The following TYW1B variants were observed in gnomAD, a reference collection of about 807,000 sequenced individuals.
The protein encoded by TYW1B is S-adenosyl-L-methionine-dependent tRNA 4-demethylwyosine synthase TYW1B.
Under a neutral mutation model 86.9 loss-of-function variants are expected in TYW1B, and 73 were observed. That is an observed-to-expected ratio of 0.84 (90% CI 0.70 to 1.02). The LOEUF (loss-of-function observed/expected upper bound fraction) is 1.02, where lower values mean the gene tolerates loss of function less well. TYW1B is among the 50% of genes least tolerant of loss of function. The pLI is 0.00. For synonymous variants in TYW1B, 248 were observed against 292.8 expected, an observed-to-expected ratio of 0.85 and a Z score of 1.56; for missense variants, 637 against 827.4, an observed-to-expected ratio of 0.77 and a Z score of 2.82.
chr7:72,695,623 C>G (rs1459097693), intron 10 of TYW1B, among the ~76,000 whole-genome samples: 1 of 152,070 alleles, frequency 6.6e-6, no homozygotes, highest in African/African-American at 2.4e-5. Flanking sequence ...CAGACAGGAT[C>G]TCATTCTCAT....
intron 6 of TYW1B, among the ~76,000 whole-genome samples, chr7:72,801,099 C>A (rs868977031): frequency 2.0e-5 from 3 of 151,834 alleles, no homozygotes; most frequent in African/African-American, 7.2e-5. Context: ...GAGGCCAAGG[C>A]GGGCAGATCA....
chr7:72,606,421 A>G (rs1284784767), intron 13 of TYW1B, among the ~76,000 whole-genome samples: 3 of 152,164 alleles, frequency 2.0e-5, no homozygotes, highest in Non-Finnish European at 4.4e-5. Context: ...GCGGTATCAG[A>G]GAAGGTGAGT....
rs189195213 is a variant in TYW1B at position 72,816,222 on chromosome 7, C to T, written c.136-741G>A. 4.2e-3 allele frequency among the ~76,000 whole-genome samples: 638 copies of T among 151,826 alleles called. 4 individuals carry two copies. The highest frequency in any genetic ancestry group is 0.015 in the African/African-American group (605 of 41,394). ...TAAAACCCCGTCTCTACTAAAAATA[C>T]AAAATTAGCCAAGCGTGGTGGCACA... is the stretch of plus-strand genomic sequence containing the variant. On this transcript the variant is annotated intron_variant, in intron 2 of 13. Transcript: ENST00000620995.
intron 11 of TYW1B, among the ~76,000 whole-genome samples, chr7:72,663,037 C>CTA (rs1813371511): frequency 6.6e-6 from 1 of 152,106 alleles, no homozygotes. Context: ...AGGTTCAACT[C>CTA]TAATCTCCAA....
At chr7:72,759,969 C>G (rs782461082) in intron 7 of TYW1B, among the ~76,000 whole-genome samples, 7 of 152,230 alleles carry the variant, frequency 4.6e-5, no homozygotes, top group Non-Finnish European at 8.8e-5. Context: ...AAATCTTGAG[C>G]TCAGAGCAAT....
At chr7:72,608,694 T>A (rs1352939973) in intron 13 of TYW1B, among the ~76,000 whole-genome samples, 1 of 152,198 alleles carries the variant, frequency 6.6e-6, no homozygotes, top group African/African-American at 2.4e-5. Context: ...GAAAAACATA[T>A]ACCATGCAAA....
At chr7:72,796,978 AT>A (rs34168427) in intron 6 of TYW1B, among the ~76,000 whole-genome samples, 102,097 of 149,116 alleles carry the variant, frequency 0.68, 35,923 homozygotes, top group Non-Finnish European at 0.77. Context: ...TAATTTTTGT[AT>A]TTTTTTTAAT....
At chr7:72,708,056 A>G (rs1269747795) in intron 10 of TYW1B, among the ~76,000 whole-genome samples, 3 of 152,140 alleles carry the variant, frequency 2.0e-5, no homozygotes, top group Non-Finnish European at 4.4e-5. Flanking sequence ...CAACCTGCAG[A>G]ACTCTGACCC....
intron 11 of TYW1B, among the ~76,000 whole-genome samples, chr7:72,648,884 A>G (rs1164129462): frequency 6.6e-6 from 1 of 152,240 alleles, no homozygotes; most frequent in Non-Finnish European, 1.5e-5. Context: ...CACTGGCAGC[A>G]GAATGTGAAA....
intron 7 of TYW1B, among the ~76,000 whole-genome samples, chr7:72,765,407 A>G (rs1469456318): frequency 5.9e-5 from 9 of 152,104 alleles, no homozygotes; most frequent in East Asian, 1.9e-4. Context: ...GAATTCTTCT[A>G]ATTTCCTCCA....
At chr7:72,779,817 C>G (rs60028765) in intron 6 of TYW1B, among the ~76,000 whole-genome samples, 113,424 of 144,682 alleles carry the variant, frequency 0.78, 44,424 homozygotes, top group Non-Finnish European at 0.8. Flanking sequence ...TGAAATAGGA[C>G]ATCAGTGAAA....
intron 11 of TYW1B, among the ~76,000 whole-genome samples, chr7:72,669,075 A>G (rs1813531026): frequency 6.6e-6 from 1 of 151,666 alleles, no homozygotes; most frequent in African/African-American, 2.4e-5. Flanking sequence ...CAAAATATTG[A>G]CAGTCATTTA....
intron 13 of TYW1B, among the ~76,000 whole-genome samples, chr7:72,588,800 T>C (rs1554430917): frequency 6.6e-6 from 1 of 151,670 alleles, no homozygotes; most frequent in African/African-American, 2.4e-5. Flanking sequence ...CTATTTGCCC[T>C]TGGACAAGAC....
intron 2 of TYW1B, among the ~76,000 whole-genome samples, chr7:72,820,247 C>G (rs1368574346): frequency 6.6e-6 from 1 of 152,122 alleles, no homozygotes; most frequent in Non-Finnish European, 1.5e-5. Flanking sequence ...TGCACTCCAG[C>G]CTGGATGACA....
At chr7:72,655,641 C>T (rs1813183135) in intron 11 of TYW1B, among the ~76,000 whole-genome samples, 1 of 152,160 alleles carries the variant, frequency 6.6e-6, no homozygotes, top group South Asian at 2.1e-4. Context: ...ATGACTACTC[C>T]CAGGACAAAA....
chr7:72,716,638 T>TGTC (rs1457078254), intron 9 of TYW1B, among the ~76,000 whole-genome samples: 1 of 151,196 alleles, frequency 6.6e-6, no homozygotes, highest in African/African-American at 2.4e-5. Flanking sequence ...TGGCTGTTGT[T>TGTC]GTTGTTGTTG....
At chr7:72,616,946 C>T in intron 12 of TYW1B, 107 bp from the exon 13 acceptor site, 4 of 1,439,688 alleles carry the variant, frequency 2.8e-6, no homozygotes, top group Non-Finnish European at 3.8e-6. Flanking sequence ...GCAATCCAGT[C>T]CGTATTTTAC....
chr7:72,814,867 C>T (rs1366090052), intron 3 of TYW1B, among the ~76,000 whole-genome samples: 1 of 150,892 alleles, frequency 6.6e-6, no homozygotes, highest in Non-Finnish European at 1.5e-5. Flanking sequence ...GAATTTGAGA[C>T]CAGCCTGGCC....
chr7:72,776,012 T>TG (rs1563090308), intron 7 of TYW1B, among the ~76,000 whole-genome samples: 2 of 152,184 alleles, frequency 1.3e-5, no homozygotes, highest in Non-Finnish European at 2.9e-5. Flanking sequence ...CTCAGTGTGG[T>TG]GGCTTACACC....
Sources: allele counts gnomAD v4.1 joint callset (sites outside exome capture counted in the v4.1 genomes callset), GRCh38; gene constraint gnomAD v4.1.1; transcripts MANE v1.5; gene names NCBI Gene and HGNC (gene_info 2026-07-23, HGNC 2026-07-21).